Variants in OVCH1 observed in about 807,000 individuals in gnomAD.
The protein encoded by OVCH1 is ovochymase-1.
OVCH1 carries 139 observed loss-of-function variants against 138.4 expected under a neutral mutation model. The observed-to-expected ratio is 1.00, with a 90% CI of 0.87 to 1.16. The LOEUF (loss-of-function observed/expected upper bound fraction) is 1.16, where lower values mean the gene tolerates loss of function less well. Among genes scored for constraint, OVCH1 ranks in the 50% most tolerant of loss-of-function variants. OVCH1 has a pLI of 0.00. For missense variants in OVCH1, 1,367 were observed against 1,357.9 expected, an observed-to-expected ratio of 1.01 and a Z score of -0.11; for synonymous variants, 453 against 467.8, an observed-to-expected ratio of 0.97 and a Z score of 0.41.
At chr12:29,477,952 G>A (rs1212359512) in intron 9 of OVCH1, among the ~76,000 whole-genome samples, 1 of 152,190 alleles carries the variant, frequency 6.6e-6, no homozygotes, top group Non-Finnish European at 1.5e-5. Flanking sequence ...TAATTACTGT[G>A]TAAATAGCAG....
intron 23 of OVCH1, among the ~76,000 whole-genome samples, chr12:29,445,064 A>G (rs568136673): frequency 1.3e-5 from 2 of 152,220 alleles, no homozygotes; most frequent in East Asian, 3.9e-4. Flanking sequence ...TTCAGAAATC[A>G]TATACAATTC....
At chr12:29,473,683 A>C (rs930279581) in intron 14 of OVCH1, among the ~76,000 whole-genome samples, 2 of 152,104 alleles carry the variant, frequency 1.3e-5, no homozygotes, top group African/African-American at 4.8e-5. Flanking sequence ...CTTGAAAATC[A>C]TATTTGTGAT....
intron 16 of OVCH1, among the ~76,000 whole-genome samples, chr12:29,470,071 A>G (rs1942451887): frequency 6.6e-6 from 1 of 152,196 alleles, no homozygotes; most frequent in East Asian, 1.9e-4. Context: ...GTAAGACACA[A>G]GAATATAAAC....
At chr12:29,411,286 G>A (rs1394078193), downstream of OVCH1, among the ~76,000 whole-genome samples, 1 of 146,150 alleles carries the variant, frequency 6.8e-6, no homozygotes, top group Non-Finnish European at 1.5e-5. Context: ...AGCATCTGAA[G>A]CCTTCTACTC....
intron 18 of OVCH1, 61 bp from the exon 19 acceptor site, chr12:29,462,069 A>C (rs1239765486): frequency 6.5e-7 from 1 of 1,549,154 alleles, no homozygotes; most frequent in Non-Finnish European, 8.8e-7. Flanking sequence ...GTTGTTAGAA[A>C]TGTATTTAAG....
At chr12:29,440,947 G>A (rs955775412) in intron 25 of OVCH1, among the ~76,000 whole-genome samples, 6 of 152,112 alleles carry the variant, frequency 3.9e-5, no homozygotes, top group Non-Finnish European at 8.8e-5. Flanking sequence ...CTTTCTCTGG[G>A]CTTTTACTTC....
intron 25 of OVCH1, chr12:29,439,455 C>T: frequency 8.3e-7 from 1 of 1,208,104 alleles, no homozygotes; most frequent in East Asian, 3.9e-5. Context: ...CTGAGAAAAA[C>T]AAACAAACAA....
At chr12:29,491,128 G>C in exon 5 of OVCH1, 2 of 1,613,746 alleles carry the variant, frequency 1.2e-6, no homozygotes, top group South Asian at 1.1e-5. Flanking sequence ...CACTGGATAA[G>C]CAAAGAATTC....
intron 19 of OVCH1, among the ~76,000 whole-genome samples, chr12:29,459,854 T>G (rs777707766): frequency 2.6e-5 from 4 of 152,204 alleles, no homozygotes; most frequent in Non-Finnish European, 4.4e-5. Flanking sequence ...GTTGCGTATC[T>G]GAAAACCCCA....
intron 13 of OVCH1, among the ~76,000 whole-genome samples, chr12:29,475,487 C>T (rs967062719): frequency 4.0e-5 from 6 of 151,840 alleles, no homozygotes; most frequent in Non-Finnish European, 8.8e-5. Context: ...AAAAAAAACA[C>T]CCAAGTTGGT....
chr12:29,431,438 A>G (rs1335522235), intron 27 of OVCH1, among the ~76,000 whole-genome samples: 1 of 152,156 alleles, frequency 6.6e-6, no homozygotes, highest in Admixed American at 6.5e-5. Flanking sequence ...CTGTCTCAAA[A>G]AAAAAATCCT....
Position 29,461,735 on chromosome 12 carries a change from G to T in OVCH1, c.2280+119C>A, listed in dbSNP as rs778897265. ...GTTGCCCCACTGGTCTTCATGCAGG[G>T]ATATGATATTGAAGCACGTGACAAG... On this transcript the variant is annotated intron_variant, in intron 19 of 27. Transcript: ENST00000318184. The T allele has an allele frequency of 4.8e-5, 59 of 1,228,188 alleles. No homozygotes were observed. In the African/African-American group the frequency reaches 8.6e-4, roughly 18 times the overall value. 76.1% of individuals were successfully genotyped at this position (1,228,188 alleles called of 1,614,324 possible). A position where few individuals can be genotyped will look rare whatever the true frequency, so the allele number is the denominator to read the frequency against.
Position 29,433,764 on chromosome 12 carries a change from G to C in OVCH1, c.3314C>G (p.Ser1105Ter). The change falls in exon 27 of 28, where the codon TCA (serine) becomes TGA (stop). Residue 1105 changes from serine to a stop codon, truncating the protein, a stop_gained. Transcript: ENST00000318184. LOFTEE classifies it high-confidence loss of function. ...TGATATACTTACATAACTTAAATTT[G>C]ATGCAAATTTCTTCTGTTTTCTTTT... 1.4e-6 allele frequency: 2 copies of C among 1,422,276 alleles called. No individual in the cohort carries two copies. Among genetic ancestry groups the C allele is most frequent in the Middle Eastern group, 1.9e-4 (1 of 5,198 alleles). 88.1% of individuals were successfully genotyped at this position (1,422,276 alleles called of 1,614,324 possible).
chr12:29,467,654 T>TTCACATATA (rs781104017), intron 16 of OVCH1, among the ~76,000 whole-genome samples: 53 of 152,170 alleles, frequency 3.5e-4, no homozygotes, highest in Non-Finnish European at 7.1e-4. Flanking sequence ...AGACAAAAGA[T>TTCACATATA]TCACATATAT....
intron 19 of OVCH1, among the ~76,000 whole-genome samples, chr12:29,456,376 T>C (rs987577679): frequency 6.6e-6 from 1 of 152,230 alleles, no homozygotes; most frequent in African/African-American, 2.4e-5. Flanking sequence ...TAATTTTTTG[T>C]ACTCTCTTAG....
At chr12:29,459,534 CA>C (rs1037383657) in intron 19 of OVCH1, among the ~76,000 whole-genome samples, 3 of 151,398 alleles carry the variant, frequency 2.0e-5, no homozygotes, top group Non-Finnish European at 2.9e-5. Context: ...TTAATGGGTA[CA>C]AAAAAATAGA....
intron 1 of OVCH1, among the ~76,000 whole-genome samples, chr12:29,497,071 A>G (rs1943437629): frequency 6.6e-6 from 1 of 152,144 alleles, no homozygotes; most frequent in Admixed American, 6.5e-5. Context: ...AGGAGGTCAG[A>G]ACCATGGGCA....
intron 25 of OVCH1, chr12:29,440,623 C>A: frequency 2.4e-6 from 1 of 424,640 alleles, no homozygotes. Flanking sequence ...TTCTGTAGGG[C>A]AAGAAAGATA....
intron 26 of OVCH1, among the ~76,000 whole-genome samples, chr12:29,437,257 G>C (rs1002493995): frequency 2.6e-5 from 4 of 152,180 alleles, no homozygotes; most frequent in Admixed American, 2.6e-4. Flanking sequence ...CAGAAGCCCA[G>C]CTGGCTTCAC....
Sources: allele counts gnomAD v4.1 joint callset (sites outside exome capture counted in the v4.1 genomes callset), GRCh38; gene constraint gnomAD v4.1.1; transcripts MANE v1.5; gene names NCBI Gene and HGNC (gene_info 2026-07-23, HGNC 2026-07-21).